ABCA13: variants seen among roughly 807,000 people sequenced by gnomAD.
ABCA13 encodes ATP binding cassette subfamily A member 13, also known as ATP-binding cassette sub-family A member 13.
In ABCA13, 476 loss-of-function variants were observed where a neutral mutation model predicts 478.7. The observed-to-expected ratio is 0.99, with a 90% CI of 0.92 to 1.07. The LOEUF is 1.07. ABCA13 is among the 50% of genes least tolerant of loss of function. The pLI, the probability that ABCA13 is intolerant of heterozygous loss-of-function variation, is 0.00. For synonymous variants in ABCA13, 2,252 were observed against 2,158.9 expected (o/e 1.04, Z -1.20); for missense variants, 6,060 against 5,910.6 (o/e 1.03, Z -0.83).
At chr7:48,335,262 G>A (rs1806070212) in intron 27 of ABCA13, among the ~76,000 whole-genome samples, 160 bp from the exon 28 acceptor site, 1 of 152,244 alleles carries the variant, frequency 6.6e-6, no homozygotes, top group African/African-American at 2.4e-5. Context: ...CACCTGTGAT[G>A]TGAGAGCATT....
Position 48,314,366 on chromosome 7 carries a change from C to T in ABCA13, c.9816C>T (p.Leu3272=). The T allele has an allele frequency of 6.2e-7, 1 of 1,607,114 alleles. No individual in the cohort carries two copies. The highest frequency in any genetic ancestry group is 8.5e-7 in the Non-Finnish European group (1 of 1,176,152). Residue 3272 remains leucine (L), a synonymous_variant, in exon 26 of 62, where the codon CTC becomes CTT. Transcript: ENST00000435803. ...TTAATTTGCCCAGAGTTAAGGAACT[C>T]TTGGAAGATGACAAAGAAAAATTCA... ...MFINLPRVKE[L]LEDDKEKFNI... is the part of the protein sequence containing the mutation.
chr7:48,368,720 T>TACAC (rs1299881870), intron 32 of ABCA13, among the ~76,000 whole-genome samples: 1 of 126,890 alleles, frequency 7.9e-6, no homozygotes, highest in Non-Finnish European at 1.7e-5. Context: ...TATATACACA[T>TACAC]ACACACACAC....
At position 48,352,202 on chromosome 7, in the gene ABCA13, T is replaced by C. The variant is rs753835840; in HGVS notation, c.10403T>C (p.Leu3468Ser). The change falls in exon 31 of 62, where the codon TTA (leucine) becomes TCA (serine). Residue 3468 changes from leucine to serine, a missense_variant. This residue lies in a region of ABCA13 where 4,423 missense variants were observed against 4,309.1 expected (regional missense o/e 1.03). Transcript: ENST00000435803. ...FLASIIFSNS[L>S]FDKNFRSESV... ...CTAGGTATCATTTTCAGCAATTCCT[T>C]ATTCGACAAGAACTTCAGATCAGAG... 5 of 1,607,850 alleles carry C rather than the reference T, an allele frequency of 3.1e-6. No individual in the cohort carries two copies. The East Asian group carries it at 8.9e-5, about 29-fold the overall frequency.
At chr7:48,182,804 A>G (rs574264268) in intron 1 of ABCA13, among the ~76,000 whole-genome samples, 1 of 152,326 alleles carries the variant, frequency 6.6e-6, no homozygotes, top group East Asian at 1.9e-4. Flanking sequence ...TCCTAACTGT[A>G]AAGGATCTAG....
intron 55 of ABCA13, among the ~76,000 whole-genome samples, chr7:48,560,507 G>C (rs1786347757): frequency 6.6e-6 from 1 of 152,044 alleles, no homozygotes; most frequent in Non-Finnish European, 1.5e-5. Flanking sequence ...CCTAATTTTT[G>C]GTTCTTATGA....
At position 48,409,900 on chromosome 7, in the gene ABCA13, T is replaced by C. The variant is rs553442563; in HGVS notation, c.12071-620T>C. Among the ~76,000 whole-genome samples, 192 of 139,528 alleles carry C rather than the reference T, an allele frequency of 1.4e-3. 1 individual carries two copies. The highest frequency in any genetic ancestry group is 2.8e-3 in the Admixed American group (37 of 13,024). The allele number at this position is 139,528 out of a possible 152,430, so 91.5% of individuals were successfully genotyped here. On this transcript the variant is annotated intron_variant, in intron 39 of 61. Transcript: ENST00000435803. ...TTCAAGACCAGCCTGGCCAACATGA[T>C]GAAATCCCATGTCTACTAAAAATAC...
chr7:48,377,413 A>G (rs548130494), intron 35 of ABCA13, among the ~76,000 whole-genome samples: 1 of 152,214 alleles, frequency 6.6e-6, no homozygotes. Flanking sequence ...CAAAGCAAAT[A>G]GTGTCTAACT....
chr7:48,529,633 G>C (rs56395407), intron 55 of ABCA13, among the ~76,000 whole-genome samples: 24,955 of 152,104 alleles, frequency 0.16, 2,254 homozygotes, highest in East Asian at 0.3. Context: ...AATAAAAATC[G>C]ATTAAACATT....
intron 48 of ABCA13, among the ~76,000 whole-genome samples, chr7:48,503,280 G>A (rs1281460971): frequency 1.3e-5 from 2 of 152,078 alleles, no homozygotes; most frequent in African/African-American, 4.8e-5. Context: ...GGTAGAAATG[G>A]GGTCTCTCCA....
chr7:48,576,685 G>C (rs752674357), intron 55 of ABCA13, among the ~76,000 whole-genome samples: 19 of 152,088 alleles, frequency 1.2e-4, no homozygotes, highest in Non-Finnish European at 2.8e-4. Flanking sequence ...AGAACTACAA[G>C]CCTCAGACTC....
chr7:48,425,753 A>T (rs1408161152), intron 41 of ABCA13, among the ~76,000 whole-genome samples: 2 of 151,610 alleles, frequency 1.3e-5, no homozygotes, highest in Non-Finnish European at 1.5e-5. Flanking sequence ...TTATTTATTT[A>T]TTTTTTCGAG....
chr7:48,565,411 C>T (rs2131289632), intron 55 of ABCA13, among the ~76,000 whole-genome samples: 1 of 152,058 alleles, frequency 6.6e-6, no homozygotes, highest in East Asian at 1.9e-4. Context: ...TTACTGAAGT[C>T]CCGAAATGAA....
At chr7:48,434,597 C>T (rs1046766292) in intron 42 of ABCA13, among the ~76,000 whole-genome samples, 1 of 151,884 alleles carries the variant, frequency 6.6e-6, no homozygotes, top group African/African-American at 2.4e-5. Flanking sequence ...CTGCAATATC[C>T]TGAAGTTTTT....
At chr7:48,468,703 C>T (rs1827153659) in intron 44 of ABCA13, among the ~76,000 whole-genome samples, 1 of 152,164 alleles carries the variant, frequency 6.6e-6, no homozygotes. Context: ...CTTGGGCAAT[C>T]ACTTGATAAT....
chr7:48,279,926 TA>T lies in ABCA13; in HGVS notation c.8726+11del, dbSNP rs755241006. 5.3e-6 allele frequency: 8 copies of T among 1,504,362 alleles called. No individual in the cohort carries two copies. In the Admixed American group the frequency reaches 1.7e-4, roughly 31 times the overall value. 93.2% of individuals were successfully genotyped at this position (1,504,362 alleles called of 1,614,324 possible). ...ATCCCACTAACAGATCAAAGGTAAT[TA>T]AAAAGCTGAATTCACTTTGTTTTTT... is the stretch of plus-strand genomic sequence containing the variant. On this transcript the variant is annotated splice_region_variant and intron_variant, in intron 18 of 61. Transcript: ENST00000435803.
intron 43 of ABCA13, among the ~76,000 whole-genome samples, chr7:48,460,024 C>T (rs2043393): frequency 0.19 from 28,443 of 151,834 alleles, 3,078 homozygotes; most frequent in African/African-American, 0.29. Context: ...GTTCCTACCC[C>T]CAAACTCTCT....
chr7:48,584,536 G>A (rs553536550), intron 56 of ABCA13, among the ~76,000 whole-genome samples: 28 of 152,246 alleles, frequency 1.8e-4, no homozygotes, highest in Admixed American at 5.9e-4. Context: ...GCCCATGTGG[G>A]TGAGTATATG....
Position 48,260,652 on chromosome 7 carries a change from A to G in ABCA13, c.2006-8328A>G, listed in dbSNP as rs549829276. ...TGAATTAATCACCAATTTAACCCAT[A>G]CTTGTCAAACCTGTACAATATTAAT... On this transcript the variant is annotated intron_variant, in intron 15 of 61. Transcript: ENST00000435803. Among the ~76,000 whole-genome samples, 53 of 152,130 alleles carry G rather than the reference A, an allele frequency of 3.5e-4. 1 individual carries two copies. The highest frequency in any genetic ancestry group is 1.3e-3 in the African/African-American group (53 of 41,538).
intron 35 of ABCA13, among the ~76,000 whole-genome samples, chr7:48,381,120 C>T (rs1451046879): frequency 6.6e-6 from 1 of 152,196 alleles, no homozygotes; most frequent in East Asian, 1.9e-4. Flanking sequence ...GACACTGGTG[C>T]TTCCCTGTGT....
Sources: gnomAD v4.1 joint callset for allele counts (sites outside exome capture counted in the v4.1 genomes callset) on GRCh38, gnomAD v4.1.1 for gene constraint, gnomAD v4.1.1 regional missense constraint, MANE v1.5 for transcripts, NCBI Gene and HGNC (gene_info 2026-07-23, HGNC 2026-07-21) for gene names.